DOCK8: variants seen among roughly 807,000 people sequenced by gnomAD.
DOCK8 encodes dedicator of cytokinesis protein 8.
In DOCK8, 141 loss-of-function variants were observed where a neutral mutation model predicts 245.6. The ratio of observed to expected loss-of-function variants is 0.57; its 90% CI spans 0.50 to 0.66. The LOEUF (loss-of-function observed/expected upper bound fraction) is 0.66, where lower values mean the gene tolerates loss of function less well. DOCK8 is among the 30% of genes least tolerant of loss of function. DOCK8 has a pLI of 0.00. For synonymous variants in DOCK8, 1,168 were observed against 970.2 expected (o/e 1.20, Z -3.79); for missense variants, 2,965 against 2,603.4 (o/e 1.14, Z -3.02).
intron 14 of DOCK8, among the ~76,000 whole-genome samples, chr9:342,502 C>T (rs996685468): frequency 2.7e-5 from 4 of 150,048 alleles, no homozygotes; most frequent in Admixed American, 1.3e-4. Context: ...TGGAGTCTCA[C>T]TCTGTCACCC....
chr9:437,681 GAA>G (rs2056950401), intron 39 of DOCK8, among the ~76,000 whole-genome samples: 1 of 150,986 alleles, frequency 6.6e-6, no homozygotes, highest in East Asian at 1.9e-4. Context: ...AGAGCTTTTG[GAA>G]AAGATTTATA....
Position 401,670 on chromosome 9 carries a change from C to T in DOCK8, c.3234+2411C>T, listed in dbSNP as rs111870544. On this transcript the variant is annotated intron_variant, in intron 26 of 47. Transcript: ENST00000432829. Reference sequence around the variant, plus strand: ...AGTTAGGTATGAGCCAAGGGATCAGCACCAGTCGACAGTGAAGAAATAAAC... The same window carrying T: ...AGTTAGGTATGAGCCAAGGGATCAGTACCAGTCGACAGTGAAGAAATAAAC... Among the ~76,000 whole-genome samples, 1,342 of 152,174 alleles carry T rather than the reference C, an allele frequency of 8.8e-3. 14 individuals carry two copies. Among genetic ancestry groups the T allele is most frequent in the African/African-American group, 0.03 (1,238 of 41,492 alleles).
chr9:458,717 G>T (rs1445537324), intron 46 of DOCK8, among the ~76,000 whole-genome samples: 2 of 152,104 alleles, frequency 1.3e-5, no homozygotes, highest in Non-Finnish European at 2.9e-5. Flanking sequence ...AAGCTGAGGT[G>T]GGAGGATCAC....
chr9:368,535 TACTC>T (rs1447966733), intron 15 of DOCK8: 13 of 482,438 alleles, frequency 2.7e-5, no homozygotes, highest in Non-Finnish European at 4.1e-5. Flanking sequence ...GTTACACACT[TACTC>T]AAGCCTCGGA....
chr9:226,491 G>C (rs1349375150), intron 1 of DOCK8, among the ~76,000 whole-genome samples: 1 of 152,164 alleles, frequency 6.6e-6, no homozygotes, highest in Non-Finnish European at 1.5e-5. Context: ...CTGGGAGGCA[G>C]TGGAGAATCC....
intron 15 of DOCK8, chr9:368,419 C>T (rs2053117578): frequency 4.7e-6 from 3 of 637,358 alleles, no homozygotes; most frequent in South Asian, 1.8e-5. Context: ...ATAGGACCAC[C>T]CCACTCTAAA....
chr9:375,718 G>A (rs889811321), intron 18 of DOCK8, among the ~76,000 whole-genome samples: 4 of 152,222 alleles, frequency 2.6e-5, no homozygotes, highest in East Asian at 1.9e-4. Context: ...AGTTTGAAGC[G>A]GGGCACAGTG....
intron 4 of DOCK8, among the ~76,000 whole-genome samples, chr9:295,428 A>T (rs1426189577): frequency 6.6e-6 from 1 of 152,314 alleles, no homozygotes. Context: ...CTCCAAGTGA[A>T]ATACTTTGGT....
At chr9:284,445 C>T (rs963042330) in intron 2 of DOCK8, 1 of 152,124 alleles carries the variant, frequency 6.6e-6, no homozygotes. Context: ...CCAAGGGAAC[C>T]GACTCTGTCC....
At chr9:396,599 C>T (rs144034516) in intron 24 of DOCK8, among the ~76,000 whole-genome samples, 186 bp from the exon 25 acceptor site, 9 of 152,330 alleles carry the variant, frequency 5.9e-5, no homozygotes, top group Admixed American at 5.9e-4. Flanking sequence ...CACCTCCCGC[C>T]ACCATGGTAA....
intron 4 of DOCK8, among the ~76,000 whole-genome samples, chr9:302,755 A>T (rs2130564777): frequency 6.6e-6 from 1 of 152,364 alleles, no homozygotes; most frequent in Non-Finnish European, 1.5e-5. Context: ...AATGCTTAAC[A>T]TCACTAATCA....
chr9:252,315 C>G (rs2047669295), intron 1 of DOCK8, among the ~76,000 whole-genome samples: 1 of 151,960 alleles, frequency 6.6e-6, no homozygotes. Context: ...AACTCTGAGT[C>G]TCTCTGTGTG....
At chr9:451,029 G>A (rs1187397655) in intron 45 of DOCK8, among the ~76,000 whole-genome samples, 1 of 151,784 alleles carries the variant, frequency 6.6e-6, no homozygotes, top group Non-Finnish European at 1.5e-5. Flanking sequence ...AATAATATTC[G>A]GCGCCAGGCT....
At chr9:277,084 C>A in intron 2 of DOCK8, 1 of 213,570 alleles carries the variant, frequency 4.7e-6, no homozygotes, top group Non-Finnish European at 1.0e-5. Context: ...GCTGGGATTA[C>A]AGGTATGAGT....
chr9:292,305 C>T lies in DOCK8; in HGVS notation c.404+2724C>T, dbSNP rs144096176. 6.2e-3 allele frequency among the ~76,000 whole-genome samples: 789 copies of T among 126,702 alleles called. 7 individuals carry two copies. Among genetic ancestry groups the T allele is most frequent in the African/African-American group, 0.022 (744 of 33,338 alleles). The allele number at this position is 126,702 out of a possible 152,430, so 83.1% of individuals were successfully genotyped here. On this transcript the variant is annotated intron_variant, in intron 4 of 47. Transcript: ENST00000432829. ...GAATCACTTGATCCTCTAAAAATAG[C>T]TAAACTGGGAGGCAGAGGTTGTGGT...
rs2056108006 is a variant in DOCK8 at position 418,090 on chromosome 9, C to T, written c.3723C>T (p.Arg1241=). 11 of 1,614,166 alleles carry T rather than the reference C, an allele frequency of 6.8e-6. No homozygotes were observed. The highest frequency in any genetic ancestry group is 9.3e-6 in the Non-Finnish European group (11 of 1,180,028). ...DFTVADTRRY[R]TSGSDEEQEG... is the part of the protein sequence containing the mutation. ...CAGTTGCAGATACTCGCAGATACCGCACCAGTGGCTCGGATGAAGAACAAG... is the reference window on the plus strand; with the variant it reads ...CAGTTGCAGATACTCGCAGATACCGTACCAGTGGCTCGGATGAAGAACAAG... The change falls in exon 30 of 48, where the codon CGC becomes CGT. Residue 1241 remains arginine, a synonymous_variant. Coordinates refer to ENST00000432829, the MANE Select transcript of DOCK8 (RefSeq NM_203447.4).
chr9:368,400 A>G (rs931617331), intron 15 of DOCK8: 6 of 664,468 alleles, frequency 9.0e-6, no homozygotes, highest in African/African-American at 8.9e-5. Context: ...AAGTCTTTCC[A>G]TACTGCCCAT....
chr9:309,129 G>A (rs879894185), intron 5 of DOCK8, among the ~76,000 whole-genome samples: 8 of 152,012 alleles, frequency 5.3e-5, no homozygotes, highest in Non-Finnish European at 1.2e-4. Context: ...TATACCCTAC[G>A]GATAAATTCT....
chr9:266,402 A>G (rs1475231472), intron 1 of DOCK8, among the ~76,000 whole-genome samples: 4 of 152,222 alleles, frequency 2.6e-5, no homozygotes, highest in Non-Finnish European at 5.9e-5. Context: ...TGAACCAACC[A>G]TTCCTTCACA....
Sources: gnomAD v4.1 joint callset for allele counts (sites outside exome capture counted in the v4.1 genomes callset) on GRCh38, gnomAD v4.1.1 for gene constraint, MANE v1.5 for transcripts, NCBI Gene and HGNC (gene_info 2026-07-23, HGNC 2026-07-21) for gene names.